Variants in GIPC2 observed in about 807,000 individuals in gnomAD.
The protein encoded by GIPC2 is PDZ domain-containing protein GIPC2.
Under a neutral mutation model 30.6 loss-of-function variants are expected in GIPC2, and 30 were observed. The observed-to-expected ratio is 0.98, with a 90% CI of 0.73 to 1.33. The LOEUF (loss-of-function observed/expected upper bound fraction) is 1.33, where lower values mean the gene tolerates loss of function less well. GIPC2 is among the 40% of genes most tolerant of loss of function. GIPC2 has a pLI of 0.00. For missense variants in GIPC2, 414 were observed against 390.3 expected (o/e 1.06, Z -0.51); for synonymous variants, 167 against 150.0 (o/e 1.11, Z -0.83).
chr1:78,060,872 TG>T (rs1475498059), intron 1 of GIPC2, among the ~76,000 whole-genome samples: 3 of 151,100 alleles, frequency 2.0e-5, no homozygotes, highest in East Asian at 2.0e-4. Context: ...CATATCTGTG[TG>T]GGGGGTATAT....
At chr1:78,052,060 CGTT>C (rs1378179304) in intron 1 of GIPC2, among the ~76,000 whole-genome samples, 1 of 152,144 alleles carries the variant, frequency 6.6e-6, no homozygotes, top group Non-Finnish European at 1.5e-5. Context: ...TCTTCAGAAT[CGTT>C]GTTCCTTCTG....
chr1:78,108,192 G>T (rs1662396429), intron 3 of GIPC2, among the ~76,000 whole-genome samples: 2 of 152,154 alleles, frequency 1.3e-5, no homozygotes, highest in African/African-American at 4.8e-5. Flanking sequence ...ATCATTCTTT[G>T]TTAAAAGAAC....
intron 1 of GIPC2, among the ~76,000 whole-genome samples, chr1:78,069,573 A>G (rs1159965102): frequency 6.7e-6 from 1 of 149,850 alleles, no homozygotes; most frequent in African/African-American, 2.5e-5. Flanking sequence ...TCCCAGGTTC[A>G]AGTGATTCTC....
intron 1 of GIPC2, among the ~76,000 whole-genome samples, chr1:78,064,889 A>G (rs1661474025): frequency 6.6e-6 from 1 of 151,938 alleles, no homozygotes; most frequent in Admixed American, 6.6e-5. Flanking sequence ...GATTACAGGC[A>G]CATGCCAGTA....
At chr1:78,052,720 A>G (rs1401936830) in intron 1 of GIPC2, among the ~76,000 whole-genome samples, 1 of 152,356 alleles carries the variant, frequency 6.6e-6, no homozygotes, top group South Asian at 2.1e-4. Flanking sequence ...CTTAGAAACT[A>G]TGAAATTTGA....
Position 78,132,665 on chromosome 1 carries a change from ATGTGTGTGTG to A in GIPC2, c.797-2903_797-2894del, listed in dbSNP as rs61463492. ...TTCTTTTTCCCTCTTATAGCCAAGG[ATGTGTGTGTG>A]TGTGTGTGTGTGTGTGTGTGTGTAG... is the stretch of plus-strand genomic sequence containing the variant. On this transcript the variant is annotated intron_variant, in intron 5 of 5. Coordinates refer to ENST00000370759, the MANE Select transcript of GIPC2 (RefSeq NM_017655.6). Among the ~76,000 whole-genome samples the A allele has an allele frequency of 7.7e-5, 11 of 142,714 alleles. No homozygotes were observed. In the South Asian group the frequency reaches 9.3e-4, roughly 12 times the overall value. The allele number at this position is 142,714 out of a possible 152,430, so 93.6% of individuals were successfully genotyped here.
In GIPC2 at chr1:78,095,024, G is replaced by T. The variant is rs1662110669; in HGVS notation, c.499G>T (p.Gly167Ter). 2 of 1,605,748 alleles carry T rather than the reference G, an allele frequency of 1.2e-6. No homozygotes were observed. The highest frequency in any genetic ancestry group is 2.2e-5 in the South Asian group (2 of 90,880). Residue 167 changes from glycine (G) to a stop codon, truncating the protein, a stop_gained, in exon 3 of 6, where the codon GGA becomes TGA. Transcript: ENST00000370759. LOFTEE classifies it high-confidence loss of function. ...TGGGGATCATATTGAATCCATAAATGGAGAAAATATTGTTGGGTGGCGTCA... is the reference window on the plus strand; with the variant it reads ...TGGGGATCATATTGAATCCATAAATTGAGAAAATATTGTTGGGTGGCGTCA... ...CVGDHIESIN[G>*]ENIVGWRHYD...
At chr1:78,072,121 T>TA (rs200660475) in intron 1 of GIPC2, among the ~76,000 whole-genome samples, 6 of 151,514 alleles carry the variant, frequency 4.0e-5, no homozygotes, top group Admixed American at 1.3e-4. Context: ...TTCTAATCTA[T>TA]AAAAAAATGG....
At chr1:78,078,013 C>A (rs1315152723) in intron 1 of GIPC2, among the ~76,000 whole-genome samples, 1 of 151,312 alleles carries the variant, frequency 6.6e-6, no homozygotes, top group African/African-American at 2.4e-5. Context: ...ACGGTGAAAC[C>A]CCGTCTCTAC....
chr1:78,091,558 C>T, intron 2 of GIPC2: 2 of 756,244 alleles, frequency 2.6e-6, no homozygotes, highest in Non-Finnish European at 5.0e-6. Flanking sequence ...TGCAGGATTT[C>T]AGCGGCAACC....
rs532630526 is a variant in GIPC2 at position 78,116,819 on chromosome 1, T to C, written c.608-2574T>C. ...TGAATAGTGCTGCAGTAAACATACA[T>C]GTGCATGTGTCTTTATAGCAGCATG... On this transcript the variant is annotated intron_variant, in intron 3 of 5. Coordinates refer to ENST00000370759, the MANE Select transcript of GIPC2 (RefSeq NM_017655.6). Among the ~76,000 whole-genome samples the C allele has an allele frequency of 6.6e-5, 10 of 152,332 alleles. No homozygotes were observed. The East Asian group carries it at 1.7e-3, about 26-fold the overall frequency.
At chr1:78,071,120 C>CTG (rs1174131010) in intron 1 of GIPC2, among the ~76,000 whole-genome samples, 1 of 152,108 alleles carries the variant, frequency 6.6e-6, no homozygotes, top group Non-Finnish European at 1.5e-5. Flanking sequence ...GTCAAAGGCA[C>CTG]TGTATATATA....
chr1:78,096,887 T>C (rs1333225193), intron 3 of GIPC2, among the ~76,000 whole-genome samples: 1 of 152,220 alleles, frequency 6.6e-6, no homozygotes, highest in East Asian at 1.9e-4. Flanking sequence ...AAGGTTTCTA[T>C]GGAAGTTTAA....
At chr1:78,120,658 G>A (rs1662663780) in intron 4 of GIPC2, among the ~76,000 whole-genome samples, 1 of 152,224 alleles carries the variant, frequency 6.6e-6, no homozygotes, top group African/African-American at 2.4e-5. Context: ...AGGTGAATGA[G>A]GAGCAAAGGC....
intron 3 of GIPC2, among the ~76,000 whole-genome samples, chr1:78,117,403 A>AT (rs1223225210): frequency 1.3e-5 from 2 of 152,034 alleles, no homozygotes; most frequent in Non-Finnish European, 2.9e-5. Flanking sequence ...ATGGAAGACA[A>AT]TTTTTTTCCA....
intron 5 of GIPC2, among the ~76,000 whole-genome samples, chr1:78,128,983 C>T (rs1393875487): frequency 7.0e-6 from 1 of 142,110 alleles, no homozygotes; most frequent in Non-Finnish European, 1.5e-5. Context: ...TTAGACTGGA[C>T]AATAGAGTGA....
rs1219941310 is a variant in GIPC2 at position 78,109,031 on chromosome 1, T to A, written c.608-10362T>A. Among the ~76,000 whole-genome samples the A allele has an allele frequency of 3.3e-5, 5 of 152,204 alleles. No homozygotes were observed. The South Asian group carries it at 8.3e-4, about 25-fold the overall frequency. ...GACTCAGTTCCTTGCCTTTTCTCTC[T>A]TCTGATGTCCTGTCTGATGTACCTG... On this transcript the variant is annotated intron_variant, in intron 3 of 5. Transcript: ENST00000370759.
Position 78,046,311 on chromosome 1 carries a change from G to C in GIPC2, c.217G>C (p.Ala73Pro), listed in dbSNP as rs1431523068. The change falls in exon 1 of 6, where the codon GCG (alanine) becomes CCG (proline). Residue 73 changes from alanine (A) to proline (P), a missense_variant. By Grantham distance (27) the Ala-to-Pro change is conservative (BLOSUM62 -1). Transcript: ENST00000370759. Reference sequence around the variant, plus strand: ...GGAGCTCTACGCCCAGATCGCGGGCGCGTTTGAAATCTCGCCGTCGGAGGT... The same window carrying C: ...GGAGCTCTACGCCCAGATCGCGGGCCCGTTTGAAATCTCGCCGTCGGAGGT... ...IQELYAQIAG[A>P]FEISPSEILY... 2.5e-6 allele frequency: 4 copies of C among 1,611,354 alleles called. No individual in the cohort carries two copies. The highest frequency in any genetic ancestry group is 3.4e-6 in the Non-Finnish European group (4 of 1,179,464).
intron 1 of GIPC2, among the ~76,000 whole-genome samples, chr1:78,062,414 C>T (rs1210398576): frequency 6.6e-6 from 1 of 152,010 alleles, no homozygotes; most frequent in Non-Finnish European, 1.5e-5. Context: ...CTTCCTTTCT[C>T]CATTTTCCTG....
Sources: gnomAD v4.1 joint callset for allele counts (sites outside exome capture counted in the v4.1 genomes callset) on GRCh38, gnomAD v4.1.1 for gene constraint, MANE v1.5 for transcripts, NCBI Gene and HGNC (gene_info 2026-07-23, HGNC 2026-07-21) for gene names.